Variants in CCPG1 observed in about 807,000 individuals in gnomAD.
CCPG1 encodes the protein cell cycle progression protein 1.
In CCPG1, 46 loss-of-function variants were observed where a neutral mutation model predicts 81.3. The ratio of observed to expected loss-of-function variants is 0.57; its 90% CI spans 0.45 to 0.72. The LOEUF is 0.72. Among genes scored for constraint, CCPG1 ranks in the 30% least tolerant of loss-of-function variants. CCPG1 has a pLI of 0.00. For synonymous variants in CCPG1, 330 were observed against 305.2 expected, an observed-to-expected ratio of 1.08 and a Z score of -0.85; for missense variants, 902 against 937.6, an observed-to-expected ratio of 0.96 and a Z score of 0.50.
intron 5 of CCPG1, 113 bp from the exon 6 acceptor site, chr15:55,372,157 G>T: frequency 9.8e-7 from 1 of 1,020,578 alleles, no homozygotes; most frequent in Non-Finnish European, 1.4e-6. Context: ...ACATAAGATA[G>T]CCAAAAACAA....
intron 1 of CCPG1, among the ~76,000 whole-genome samples, chr15:55,403,920 A>G (rs1438730193): frequency 1.3e-5 from 2 of 152,230 alleles, no homozygotes; most frequent in Non-Finnish European, 2.9e-5. Context: ...TACTACTTCC[A>G]TGATTTTAGC....
chr15:55,380,523 C>T (rs773077628), intron 3 of CCPG1, among the ~76,000 whole-genome samples: 104 of 151,636 alleles, frequency 6.9e-4, no homozygotes, highest in Non-Finnish European at 1.3e-3. Context: ...TCTTGATCTC[C>T]TGACCCCGTA....
chr15:55,378,951 C>G (rs2056621598), intron 3 of CCPG1, among the ~76,000 whole-genome samples: 1 of 151,930 alleles, frequency 6.6e-6, no homozygotes, highest in African/African-American at 2.4e-5. Flanking sequence ...AAACCTCTAC[C>G]TTACATTACC....
rs1247410909 is a variant in CCPG1 at position 55,366,140 on chromosome 15, A to G, written c.707-831T>C. Among the ~76,000 whole-genome samples the G allele has an allele frequency of 3.3e-5, 5 of 152,212 alleles. No individual in the cohort carries two copies. In the East Asian group the frequency reaches 9.7e-4, roughly 29 times the overall value. On this transcript the variant is annotated intron_variant, in intron 6 of 8. Coordinates refer to ENST00000442196, the MANE Select transcript of CCPG1 (RefSeq NM_001204450.2). Reference sequence around the variant, plus strand: ...AGGCCAGCCCATATGGCTCTAACCAAGAGAACAATTTATGTAATGTTCTTA... The same window carrying G: ...AGGCCAGCCCATATGGCTCTAACCAGGAGAACAATTTATGTAATGTTCTTA...
chr15:55,381,422 C>A (rs1046066905), intron 3 of CCPG1, among the ~76,000 whole-genome samples: 1 of 152,068 alleles, frequency 6.6e-6, no homozygotes, highest in Non-Finnish European at 1.5e-5. Context: ...GGCAACAGTG[C>A]GAGACTCTGT....
intron 6 of CCPG1, among the ~76,000 whole-genome samples, chr15:55,369,299 G>A (rs2056398528): frequency 6.6e-6 from 1 of 152,086 alleles, no homozygotes; most frequent in Admixed American, 6.6e-5. Context: ...ACTTTGGGAG[G>A]CCGAGGTGGA....
At chr15:55,377,244 T>A (rs561419741) in intron 4 of CCPG1, 94 bp from the exon 5 acceptor site, 64 of 833,420 alleles carry the variant, frequency 7.7e-5, no homozygotes, top group African/African-American at 3.9e-4. Context: ...ATTATAGTCA[T>A]CTGAGTTAAA....
At chr15:55,358,190 G>T in intron 8 of CCPG1, 1 of 221,236 alleles carries the variant, frequency 4.5e-6, no homozygotes, top group Non-Finnish European at 7.6e-6. Context: ...GTTCTCAAGA[G>T]AAATAAAAGT....
chr15:55,391,302 G>C (rs1566980063), intron 1 of CCPG1, among the ~76,000 whole-genome samples: 1 of 152,026 alleles, frequency 6.6e-6, no homozygotes, highest in Non-Finnish European at 1.5e-5. Context: ...TTTTTGTAGA[G>C]ACAACGTTTG....
intron 5 of CCPG1, among the ~76,000 whole-genome samples, chr15:55,376,272 G>A (rs2056563365): frequency 6.6e-6 from 1 of 152,140 alleles, no homozygotes; most frequent in African/African-American, 2.4e-5. Flanking sequence ...CACATTAAAA[G>A]ATGTTATACA....
chr15:55,373,807 T>C (rs1023133968), intron 5 of CCPG1, among the ~76,000 whole-genome samples: 4 of 152,234 alleles, frequency 2.6e-5, no homozygotes, highest in African/African-American at 7.2e-5. Context: ...ATTTAAATAA[T>C]TGTTCAATTC....
rs148269294 is a variant in CCPG1, at chr15:55,362,813, G to A, written c.829-1869C>T. ...TCCCAGTATTTTGAGGCCAAGGTGG[G>A]AGGATCACTTGAACCCAGAAGTTCC... On this transcript the variant is annotated intron_variant, in intron 7 of 8. Coordinates refer to ENST00000442196, the MANE Select transcript of CCPG1 (RefSeq NM_001204450.2). Among the ~76,000 whole-genome samples, 100 of 152,262 alleles carry A rather than the reference G, an allele frequency of 6.6e-4. 4 individuals are homozygous for A. The East Asian group carries it at 0.017, about 26-fold the overall frequency.
At chr15:55,393,340 C>T (rs1286815027) in intron 1 of CCPG1, among the ~76,000 whole-genome samples, 2 of 151,470 alleles carry the variant, frequency 1.3e-5, no homozygotes, top group African/African-American at 2.4e-5. Flanking sequence ...CTTGGGAAGC[C>T]GAGGCAGGAG....
intron 8 of CCPG1, chr15:55,358,724 T>C (rs2056131798): frequency 1.0e-5 from 10 of 985,464 alleles, no homozygotes; most frequent in Non-Finnish European, 1.2e-5. Context: ...TTTACTTAGC[T>C]TGTGAGCTCC....
chr15:55,374,011 T>C (rs2056506728), intron 5 of CCPG1: 15 of 329,280 alleles, frequency 4.6e-5, no homozygotes, highest in South Asian at 3.9e-4. Context: ...TGCAATAAGC[T>C]TGGCCAGCTC....
intron 3 of CCPG1, among the ~76,000 whole-genome samples, chr15:55,379,756 G>C (rs542432220): frequency 6.6e-5 from 10 of 152,032 alleles, no homozygotes; most frequent in Admixed American, 5.3e-4. Flanking sequence ...CCTCCTCAAA[G>C]AAAATGTGTA....
At chr15:55,378,542 A>C (rs989792089) in intron 3 of CCPG1, among the ~76,000 whole-genome samples, 166 bp from the exon 4 acceptor site, 1 of 152,186 alleles carries the variant, frequency 6.6e-6, no homozygotes, top group African/African-American at 2.4e-5. Flanking sequence ...ACTGTTGCTA[A>C]TGAACTTCAT....
At chr15:55,374,136 T>A in intron 5 of CCPG1, 2 of 1,268,788 alleles carry the variant, frequency 1.6e-6, no homozygotes, top group Non-Finnish European at 2.1e-6. Context: ...GAGAAGCTGG[T>A]CAGATTTAGT....
At chr15:55,365,066 C>T in intron 7 of CCPG1, 122 bp downstream of exon 7, 1 of 625,990 alleles carries the variant, frequency 1.6e-6, no homozygotes, top group Non-Finnish European at 2.8e-6. Context: ...TACCCGTACT[C>T]AATTCAACAA....
Sources: gnomAD v4.1 joint callset for allele counts (sites outside exome capture counted in the v4.1 genomes callset) on GRCh38, gnomAD v4.1.1 for gene constraint, MANE v1.5 for transcripts, NCBI Gene and HGNC (gene_info 2026-07-23, HGNC 2026-07-21) for gene names.